SUPT3H: variants seen among roughly 807,000 people sequenced by gnomAD.
SUPT3H encodes transcription initiation protein SPT3 homolog.
Under a neutral mutation model 44.3 loss-of-function variants are expected in SUPT3H, and 44 were observed. The ratio of observed to expected loss-of-function variants is 0.99; its 90% CI spans 0.78 to 1.28. The LOEUF (loss-of-function observed/expected upper bound fraction) is 1.28. Ranked by LOEUF, SUPT3H falls within the 50% of genes most tolerant of loss-of-function variation. The probability of loss-of-function intolerance (pLI) is 0.00; values close to 1 mark genes in which losing one functional copy is unlikely to be tolerated. For synonymous variants in SUPT3H, 124 were observed against 125.6 expected, an observed-to-expected ratio of 0.99 and a Z score of 0.09; for missense variants, 380 against 387.1, an observed-to-expected ratio of 0.98 and a Z score of 0.15.
At chr6:44,972,639 G>C (rs1165452690) in intron 6 of SUPT3H, among the ~76,000 whole-genome samples, 1 of 152,160 alleles carries the variant, frequency 6.6e-6, no homozygotes, top group African/African-American at 2.4e-5. Context: ...CCTAGTAGAG[G>C]TTTTCCAGGA....
chr6:45,175,490 C>T (rs773290834), intron 2 of SUPT3H, among the ~76,000 whole-genome samples: 13 of 152,154 alleles, frequency 8.5e-5, no homozygotes, highest in Non-Finnish European at 1.6e-4. Flanking sequence ...TCTCCCTTCA[C>T]ACGTGGGGAT....
At chr6:45,239,036 G>T (rs1444273977) in intron 2 of SUPT3H, among the ~76,000 whole-genome samples, 9 of 152,170 alleles carry the variant, frequency 5.9e-5, no homozygotes, top group Admixed American at 5.9e-4. Flanking sequence ...GGATCGAAAG[G>T]TAAAGTTTTT....
chr6:45,267,062 T>C lies in SUPT3H; in HGVS notation c.101+98139A>G, dbSNP rs763052654. Among the ~76,000 whole-genome samples the C allele has an allele frequency of 4.6e-5, 7 of 152,286 alleles. No individual in the cohort carries two copies. In the East Asian group the frequency reaches 5.8e-4, roughly 13 times the overall value. On this transcript the variant is annotated intron_variant, in intron 2 of 10. Coordinates refer to ENST00000371459, the MANE Select transcript of SUPT3H (RefSeq NM_003599.4). ...ACGAAACATAAATGAATTTCATGTT[T>C]AGACTTGGGTCCCATCCTCAAGGTA...
chr6:45,191,303 A>G (rs185906712), intron 2 of SUPT3H, among the ~76,000 whole-genome samples: 91 of 152,262 alleles, frequency 6.0e-4, no homozygotes, highest in Non-Finnish European at 1.2e-3. Context: ...CAAGTAATAG[A>G]AGTCAATCTG....
intron 3 of SUPT3H, among the ~76,000 whole-genome samples, chr6:45,021,297 A>T (rs1262670574): frequency 6.6e-6 from 1 of 151,942 alleles, no homozygotes; most frequent in African/African-American, 2.4e-5. Flanking sequence ...CTAGCCCCTT[A>T]TATCTACAAA....
At chr6:45,029,395 T>A (rs1786571382) in intron 3 of SUPT3H, among the ~76,000 whole-genome samples, 1 of 150,696 alleles carries the variant, frequency 6.6e-6, no homozygotes, top group South Asian at 2.1e-4. Context: ...GTACATATAT[T>A]GCATGTGTAT....
intron 10 of SUPT3H, among the ~76,000 whole-genome samples, chr6:44,850,796 A>ATCTATC (rs1561886352): frequency 9.1e-5 from 9 of 99,192 alleles, no homozygotes; most frequent in African/African-American, 3.6e-4. Flanking sequence ...ATCTATCTAT[A>ATCTATC]AATGTACCTT....
intron 2 of SUPT3H, among the ~76,000 whole-genome samples, chr6:45,289,825 C>G (rs1472216584): frequency 6.6e-6 from 1 of 152,122 alleles, no homozygotes; most frequent in Non-Finnish European, 1.5e-5. Flanking sequence ...GGTACGTCAG[C>G]TGGTAACACT....
chr6:45,168,027 T>C (rs1583972523), intron 2 of SUPT3H, among the ~76,000 whole-genome samples: 1 of 152,068 alleles, frequency 6.6e-6, no homozygotes, highest in Non-Finnish European at 1.5e-5. Flanking sequence ...GTCAGGCTGG[T>C]CTCGAACTTC....
chr6:45,028,510 G>A (rs911679690), intron 3 of SUPT3H, among the ~76,000 whole-genome samples: 3 of 150,414 alleles, frequency 2.0e-5, no homozygotes, highest in Admixed American at 1.3e-4. Flanking sequence ...TCTACATCTT[G>A]TAAGTTTATA....
Position 45,134,213 on chromosome 6 carries a change from C to T in SUPT3H, c.102-28207G>A, listed in dbSNP as rs200735660. 1.8e-4 allele frequency among the ~76,000 whole-genome samples: 28 copies of T among 152,186 alleles called. No homozygotes were observed. In the East Asian group the frequency reaches 4.4e-3, roughly 24 times the overall value. ...GGGCAAGAGAGTGCAAGGAAACAAG[C>T]GAGGGCCGAACTCACTATTATAACA... On this transcript the variant is annotated intron_variant, in intron 2 of 10. Coordinates refer to ENST00000371459, the MANE Select transcript of SUPT3H (RefSeq NM_003599.4).
intron 6 of SUPT3H, among the ~76,000 whole-genome samples, chr6:44,987,194 C>G (rs1779915781): frequency 6.6e-6 from 1 of 150,656 alleles, no homozygotes; most frequent in African/African-American, 2.4e-5. Context: ...ACTCTACTCT[C>G]ATGACTTAGT....
chr6:45,108,414 G>A (rs888514820), intron 2 of SUPT3H, among the ~76,000 whole-genome samples: 1 of 152,176 alleles, frequency 6.6e-6, no homozygotes, highest in Non-Finnish European at 1.5e-5. Flanking sequence ...GTGTGTGTAT[G>A]TGTGCATGCA....
chr6:45,063,421 C>G (rs144128084), intron 3 of SUPT3H, among the ~76,000 whole-genome samples: 54,339 of 149,638 alleles, frequency 0.36, 10,673 homozygotes, highest in Non-Finnish European at 0.43. Context: ...TCCAAAGGAA[C>G]GCAGCTCCTC....
chr6:45,285,689 A>G (rs962730928), intron 2 of SUPT3H, among the ~76,000 whole-genome samples: 1 of 152,174 alleles, frequency 6.6e-6, no homozygotes, highest in African/African-American at 2.4e-5. Flanking sequence ...TATAGATTCA[A>G]TGCCATCCCC....
chr6:44,842,956 G>A lies in SUPT3H; in HGVS notation c.913-13099C>T, dbSNP rs149089194. ...TTTGAAAAGAAACATACTGTTACGT[G>A]GAAGGGAATTATCACCTGGGCACAT... On this transcript the variant is annotated intron_variant, in intron 10 of 10. Transcript: ENST00000371459. 1.7e-4 allele frequency among the ~76,000 whole-genome samples: 26 copies of A among 151,966 alleles called. No homozygotes were observed. In the East Asian group the frequency reaches 5.0e-3, roughly 29 times the overall value.
chr6:44,988,967 G>T (rs971035828), intron 6 of SUPT3H, among the ~76,000 whole-genome samples: 1 of 152,062 alleles, frequency 6.6e-6, no homozygotes, highest in Non-Finnish European at 1.5e-5. Flanking sequence ...TATTACGAAT[G>T]AATTGTAAAT....
intron 2 of SUPT3H, among the ~76,000 whole-genome samples, chr6:45,191,566 T>C (rs957391103): frequency 4.6e-5 from 7 of 152,230 alleles, no homozygotes; most frequent in African/African-American, 1.7e-4. Flanking sequence ...GAACTTTAGT[T>C]AATAATAACA....
At chr6:45,109,289 G>A (rs958310183) in intron 2 of SUPT3H, among the ~76,000 whole-genome samples, 7 of 151,914 alleles carry the variant, frequency 4.6e-5, no homozygotes, top group African/African-American at 1.2e-4. Flanking sequence ...TATTTAATTC[G>A]TTGGAATACT....
Sources: allele counts gnomAD v4.1 joint callset (sites outside exome capture counted in the v4.1 genomes callset), GRCh38; gene constraint gnomAD v4.1.1; transcripts MANE v1.5; gene names NCBI Gene and HGNC (gene_info 2026-07-23, HGNC 2026-07-21).